PAX8: variants seen among roughly 807,000 people sequenced by gnomAD.
The protein encoded by PAX8 is paired box 8, also known as paired box protein Pax-8.
A neutral mutation model predicts 52.4 loss-of-function variants in PAX8; 15 were observed. The observed-to-expected ratio is 0.29, with a 90% CI of 0.19 to 0.44. The LOEUF is 0.44. Among genes scored for constraint, PAX8 ranks in the 20% least tolerant of loss-of-function variants. The pLI is 1.00. For synonymous variants in PAX8, 284 were observed against 249.7 expected (o/e 1.14, Z -1.29); for missense variants, 554 against 602.5 (o/e 0.92, Z 0.84).
intron 10 of PAX8, among the ~76,000 whole-genome samples, chr2:113,224,844 A>T (rs60481000): frequency 1.4e-3 from 3 of 2,148 alleles, no homozygotes; most frequent in Admixed American, 6.8e-3. Context: ...TAAAATATAA[A>T]ATAAAATAAA....
rs1220708970 is a variant in PAX8 at position 113,242,721 on chromosome 2, G to A, written c.447C>T (p.Ala149=). The A allele has an allele frequency of 6.2e-7, 1 of 1,613,780 alleles. No homozygotes were observed. Among genetic ancestry groups the A allele is most frequent in the East Asian group, 2.2e-5 (1 of 44,874 alleles). The change falls in exon 5 of 12, where the codon GCC becomes GCT. Residue 149 remains alanine (A), a synonymous_variant. Coordinates refer to ENST00000429538, the MANE Select transcript of PAX8 (RefSeq NM_003466.4). The stretch of plus-strand genomic sequence containing the variant: ...TGTGTCCGGGACTCAGGGACTTGGT[G>A]GCCACGCAGCTGTCCATAGGGAGGT... ...PFNLPMDSCV[A]TKSLSPGHTL... is the part of the protein sequence containing the mutation.
At position 113,241,556 on chromosome 2, in the gene PAX8, C is replaced by T. The variant is rs373607495; in HGVS notation, c.772G>A (p.Glu258Lys). Reference sequence around the variant, plus strand: ...CCCAGGGCCCAGCTTCTCACCTGCTCGCCTTTGGTGTGGCTGGGGGAGGCA... The same window carrying T: ...CCCAGGGCCCAGCTTCTCACCTGCTTGCCTTTGGTGTGGCTGGGGGAGGCA... ...AYASPSHTKGEQGLYPLPLLN... is the reference protein window; with the variant it reads ...AYASPSHTKGKQGLYPLPLLN... Residue 258 changes from glutamate (E) to lysine (K), a missense_variant, in exon 7 of 12, where the codon GAG becomes AAG. Transcript: ENST00000429538. The T allele has an allele frequency of 8.1e-6, 13 of 1,608,754 alleles. No individual in the cohort carries two copies. The highest frequency in any genetic ancestry group is 4.4e-5 in the South Asian group (4 of 90,426).
intron 2 of PAX8, among the ~76,000 whole-genome samples, chr2:113,254,942 T>C (rs1172678809): frequency 6.6e-6 from 1 of 152,064 alleles, no homozygotes; most frequent in East Asian, 1.9e-4. Flanking sequence ...TTTGGTCCTT[T>C]CTTTTAAATA....
At position 113,241,619 on chromosome 2, in the gene PAX8, C is replaced by T. The variant is rs199890664; in HGVS notation, c.709G>A (p.Glu237Lys). The T allele has an allele frequency of 1.9e-6, 3 of 1,613,652 alleles. No individual in the cohort carries two copies. The highest frequency in any genetic ancestry group is 2.7e-5 in the African/African-American group (2 of 75,022). The change falls in exon 7 of 12, where the codon GAG becomes AAG. Residue 237 changes from glutamate (E) to lysine (K), a missense_variant. Transcript: ENST00000429538. ...AFSQHHLEPL[E>K]CPFERQHYPE... ...TAGTGCTGCCGCTCAAATGGGCACTCGAGCGGCTCGAGGTGGTGCTGGCTG... is the reference window on the plus strand; with the variant it reads ...TAGTGCTGCCGCTCAAATGGGCACTTGAGCGGCTCGAGGTGGTGCTGGCTG...
chr2:113,265,425 G>A (rs980459993), intron 2 of PAX8: 6 of 152,296 alleles, frequency 3.9e-5, no homozygotes, highest in African/African-American at 1.4e-4. Context: ...GTCAACCCCT[G>A]CAGTTGGGCT....
rs764634710 is a variant in PAX8, at chr2:113,217,037, C to T, written c.*1496G>A. The T allele has an allele frequency of 1.5e-4, 35 of 231,248 alleles. No individual in the cohort carries two copies. The highest frequency in any genetic ancestry group is 1.3e-3 in the Middle Eastern group (1 of 770). The allele number at this position is 231,248 out of a possible 1,614,324, so 14.3% of individuals were successfully genotyped here. A position where few individuals can be genotyped will look rare whatever the true frequency, so the allele number is the denominator to read the frequency against. On this transcript the variant is annotated 3_prime_UTR_variant, in exon 12 of 12. Coordinates refer to ENST00000429538, the MANE Select transcript of PAX8 (RefSeq NM_003466.4). ...TGCAGGCTCCAGTCACAGCTATTCCCGGATCCCTCACTAACCCACCCTGCT... is the reference window on the plus strand; with the variant it reads ...TGCAGGCTCCAGTCACAGCTATTCCTGGATCCCTCACTAACCCACCCTGCT...
intron 9 of PAX8, among the ~76,000 whole-genome samples, chr2:113,229,243 T>G (rs1689753434): frequency 6.6e-6 from 1 of 152,108 alleles, no homozygotes; most frequent in African/African-American, 2.4e-5. Context: ...ATAAGCCTAG[T>G]ATGTGCCCCA....
In PAX8 at chr2:113,226,950, G is replaced by A. The variant is rs1053144214; in HGVS notation, c.1189+205C>T. The A allele has an allele frequency of 4.0e-6, 6 of 1,482,426 alleles. No homozygotes were observed. In the African/African-American group the frequency reaches 6.9e-5, roughly 17 times the overall value. 91.8% of individuals were successfully genotyped at this position (1,482,426 alleles called of 1,614,324 possible). Reference sequence around the variant, plus strand: ...GCAGGCCTGGGAAGAAGGAGGCCGAGCTGGGGCAAGTTAAATAGGGAGTCA... The same window carrying A: ...GCAGGCCTGGGAAGAAGGAGGCCGAACTGGGGCAAGTTAAATAGGGAGTCA... On this transcript the variant is annotated intron_variant, in intron 10 of 11. Transcript: ENST00000429538.
chr2:113,224,640 G>A (rs1689444993), intron 10 of PAX8, among the ~76,000 whole-genome samples: 1 of 151,652 alleles, frequency 6.6e-6, no homozygotes, highest in African/African-American at 2.4e-5. Flanking sequence ...AAGATAGAAG[G>A]ATAGATGGGA....
At position 113,236,745 on chromosome 2, in the gene PAX8, G is replaced by C. The variant is rs201760140; in HGVS notation, c.778-24C>G. On this transcript the variant is annotated intron_variant, in intron 7 of 11. Coordinates refer to ENST00000429538, the MANE Select transcript of PAX8 (RefSeq NM_003466.4). ...CCCTGGGGAGCAAAGAGAAGTCAGCGCACAGAGACGATCCAACAAGCCGAC... is the reference window on the plus strand; with the variant it reads ...CCCTGGGGAGCAAAGAGAAGTCAGCCCACAGAGACGATCCAACAAGCCGAC... The C allele has an allele frequency of 4.8e-5, 74 of 1,547,056 alleles. No homozygotes were observed. In the African/African-American group the frequency reaches 8.6e-4, roughly 18 times the overall value.
intron 7 of PAX8, chr2:113,238,500 C>T (rs957996984): frequency 3.3e-5 from 5 of 152,474 alleles, no homozygotes; most frequent in African/African-American, 1.2e-4. Flanking sequence ...ATTTCAAAAT[C>T]CAAGTAACTT....
chr2:113,270,592 G>T (rs13001920), intron 2 of PAX8: 73,279 of 152,012 alleles, frequency 0.48, 18,405 homozygotes, highest in East Asian at 0.72. Context: ...TGTCCTCCTG[G>T]AGATGCCGAA....
At chr2:113,231,166 T>A (rs1689867600) in intron 9 of PAX8, among the ~76,000 whole-genome samples, 1 of 152,202 alleles carries the variant, frequency 6.6e-6, no homozygotes, top group Admixed American at 6.5e-5. Flanking sequence ...AAGGAGAATT[T>A]ATGGCAACTC....
At chr2:113,278,339 C>A (rs1573564809) in intron 2 of PAX8, 31 bp downstream of exon 2, 1 of 1,519,902 alleles carries the variant, frequency 6.6e-7, no homozygotes, top group East Asian at 2.3e-5. Flanking sequence ...GGCGCGGGGG[C>A]TCGGGGATCC....
chr2:113,232,347 C>A (rs1573425013), intron 9 of PAX8, among the ~76,000 whole-genome samples: 1 of 152,228 alleles, frequency 6.6e-6, no homozygotes, highest in East Asian at 1.9e-4. Context: ...AAGGCTAGCA[C>A]TCCTCACTCT....
chr2:113,251,191 G>A, intron 2 of PAX8, among the ~76,000 whole-genome samples: 1 of 152,116 alleles, frequency 6.6e-6, no homozygotes, highest in Non-Finnish European at 1.5e-5. Context: ...GTGGGGGAGT[G>A]GACTCTTCTG....
chr2:113,272,459 C>T (rs1186813101), intron 2 of PAX8: 1 of 152,172 alleles, frequency 6.6e-6, no homozygotes, highest in Non-Finnish European at 1.5e-5. Flanking sequence ...AATTATGAAT[C>T]CTCAAGATCC....
At chr2:113,254,932 T>C (rs944299033) in intron 2 of PAX8, among the ~76,000 whole-genome samples, 2 of 152,134 alleles carry the variant, frequency 1.3e-5, no homozygotes, top group African/African-American at 4.8e-5. Context: ...GCCTGCTCTC[T>C]TTGGTCCTTT....
In PAX8 at chr2:113,278,440, C is replaced by G; in HGVS notation, c.-46G>C. On this transcript the variant is annotated 5_prime_UTR_variant, in exon 2 of 12. Coordinates refer to ENST00000429538, the MANE Select transcript of PAX8 (RefSeq NM_003466.4). ...CCCGCCGAGGGCTCGGGGCTTCCTC[C>G]CGTAGGTCCGGGCCGCGCCTGCCGC... 1 of 1,608,696 alleles carries G rather than the reference C, an allele frequency of 6.2e-7. No homozygotes were observed. The highest frequency in any genetic ancestry group is 8.5e-7 in the Non-Finnish European group (1 of 1,178,342).
Sources: allele counts gnomAD v4.1 joint callset (sites outside exome capture counted in the v4.1 genomes callset), GRCh38; gene constraint gnomAD v4.1.1; transcripts MANE v1.5; gene names NCBI Gene and HGNC (gene_info 2026-07-23, HGNC 2026-07-21).